RORA: variants seen among roughly 807,000 people sequenced by gnomAD.
RORA encodes nuclear receptor ROR-alpha.
A neutral mutation model predicts 69.5 loss-of-function variants in RORA; 7 were observed. The ratio of observed to expected loss-of-function variants is 0.10; its 90% confidence interval spans 0.06 to 0.19. RORA has a LOEUF of 0.19. Among genes scored for constraint, RORA ranks in the 10% least tolerant of loss-of-function variants. RORA has a pLI of 1.00. For missense variants in RORA, 457 were observed against 663.0 expected, an observed-to-expected ratio of 0.69 and a Z score of 3.41; for synonymous variants, 261 against 240.8, an observed-to-expected ratio of 1.08 and a Z score of -0.78.
chr15:60,618,213 C>G (rs1435390246), intron 2 of RORA, among the ~76,000 whole-genome samples: 1 of 152,202 alleles, frequency 6.6e-6, no homozygotes, highest in Non-Finnish European at 1.5e-5. Flanking sequence ...AAGAATCTGA[C>G]AGTAACACCA....
chr15:60,635,351 G>T (rs964069603), intron 2 of RORA, among the ~76,000 whole-genome samples: 1 of 152,110 alleles, frequency 6.6e-6, no homozygotes, highest in Admixed American at 6.5e-5. Context: ...AGATTTTTTT[G>T]ATGTGGAGAA....
chr15:60,517,125 C>T (rs374905458), intron 3 of RORA, among the ~76,000 whole-genome samples: 6 of 120,760 alleles, frequency 5.0e-5, no homozygotes, highest in Non-Finnish European at 9.8e-5. Context: ...TTTTTTTTTC[C>T]CCCCTACAAT....
At chr15:60,611,608 C>T (rs557459182) in intron 2 of RORA, among the ~76,000 whole-genome samples, 4 of 102,918 alleles carry the variant, frequency 3.9e-5, no homozygotes, top group South Asian at 3.5e-4. Context: ...CTTCTTTGCA[C>T]GAGGAGTCTA....
At chr15:60,834,727 G>C (rs1249057010) in intron 1 of RORA, among the ~76,000 whole-genome samples, 1 of 152,164 alleles carries the variant, frequency 6.6e-6, no homozygotes, top group Non-Finnish European at 1.5e-5. Flanking sequence ...CCCGATGAGG[G>C]GCTGCGCATT....
chr15:60,837,371 C>T (rs573668742), intron 1 of RORA, among the ~76,000 whole-genome samples: 4 of 152,288 alleles, frequency 2.6e-5, no homozygotes, highest in African/African-American at 9.6e-5. Flanking sequence ...TGAAGCTTGG[C>T]GAACACCAGC....
intron 2 of RORA, among the ~76,000 whole-genome samples, chr15:60,535,858 T>C (rs748257693): frequency 1.1e-4 from 16 of 152,224 alleles, no homozygotes; most frequent in Non-Finnish European, 2.2e-4. Flanking sequence ...CCCTATGCGG[T>C]AGGCATCACT....
At chr15:61,177,396 A>C (rs1370938038) in intron 1 of RORA, among the ~76,000 whole-genome samples, 1 of 152,124 alleles carries the variant, frequency 6.6e-6, no homozygotes, top group South Asian at 2.1e-4. Context: ...TGGTCTGCAC[A>C]CTCCAGATTT....
Position 60,564,816 on chromosome 15 carries a change from G to T in RORA, c.197-32965C>A, listed in dbSNP as rs76290487. On this transcript the variant is annotated intron_variant, in intron 2 of 10. Transcript: ENST00000335670. ...AAGACAATTATATGACAGCATAAAA[G>T]TATTGATATTTAAATATCTCAATAC... 1.9e-3 allele frequency among the ~76,000 whole-genome samples: 282 copies of T among 152,216 alleles called. 1 individual carries two copies. Among genetic ancestry groups the T allele is most frequent in the African/African-American group, 6.6e-3 (275 of 41,530 alleles).
intron 1 of RORA, among the ~76,000 whole-genome samples, chr15:61,017,777 A>G (rs977808617): frequency 1.3e-4 from 20 of 152,366 alleles, no homozygotes; most frequent in African/African-American, 4.1e-4. Flanking sequence ...GCCACAAAGC[A>G]TATTTTTGCA....
chr15:60,755,853 A>G (rs1034044730), intron 1 of RORA, among the ~76,000 whole-genome samples: 1 of 152,030 alleles, frequency 6.6e-6, no homozygotes, highest in Non-Finnish European at 1.5e-5. Context: ...AATCATGTCC[A>G]CTCCATTCCA....
chr15:60,912,495 C>T (rs937247852), intron 1 of RORA, among the ~76,000 whole-genome samples: 1 of 151,994 alleles, frequency 6.6e-6, no homozygotes, highest in Non-Finnish European at 1.5e-5. Flanking sequence ...TGGCTCACAC[C>T]TGCAATCCCA....
At chr15:60,514,562 G>A (rs1185281559) in intron 4 of RORA, 54 bp downstream of exon 4, 1 of 1,583,654 alleles carries the variant, frequency 6.3e-7, no homozygotes, top group African/African-American at 1.3e-5. Context: ...CCAGGTTTCA[G>A]AAGGCACTTT....
chr15:60,630,442 A>T (rs2069709854), intron 2 of RORA: 1 of 152,196 alleles, frequency 6.6e-6, no homozygotes, highest in Admixed American at 6.5e-5. Flanking sequence ...ATCCAACCTA[A>T]GTAACAGCTT....
At chr15:61,221,970 A>C (rs1419999785) in intron 1 of RORA, among the ~76,000 whole-genome samples, 4 of 152,076 alleles carry the variant, frequency 2.6e-5, no homozygotes, top group South Asian at 2.1e-4. Context: ...AAAAAAAAAA[A>C]AACTAAAAAA....
rs181359911 is a variant in RORA at position 61,178,870 on chromosome 15, G to A, written c.166+50183C>T. On this transcript the variant is annotated intron_variant, in intron 1 of 10. Coordinates refer to ENST00000335670, the MANE Select transcript of RORA (RefSeq NM_134261.3). ...ATAGCTAACCATATAGACTATACCCGCTTTTGAAAATATCTTCTGATGGGG... is the reference window on the plus strand; with the variant it reads ...ATAGCTAACCATATAGACTATACCCACTTTTGAAAATATCTTCTGATGGGG... Among the ~76,000 whole-genome samples the A allele has an allele frequency of 2.1e-3, 325 of 152,202 alleles. 1 individual carries two copies. Among genetic ancestry groups the A allele is most frequent in the Non-Finnish European group, 3.5e-3 (239 of 68,010 alleles).
chr15:60,750,782 T>A (rs532641937), intron 1 of RORA, among the ~76,000 whole-genome samples: 2 of 152,334 alleles, frequency 1.3e-5, no homozygotes, highest in South Asian at 4.1e-4. Context: ...AGGGAAGGTA[T>A]TCAGTATTCT....
chr15:60,720,523 C>T (rs2071280778), intron 1 of RORA, among the ~76,000 whole-genome samples: 1 of 152,176 alleles, frequency 6.6e-6, no homozygotes, highest in Non-Finnish European at 1.5e-5. Context: ...CACGCCCTTC[C>T]CTCTTGCCTC....
chr15:60,517,329 A>G (rs2065997836), intron 3 of RORA, among the ~76,000 whole-genome samples: 1 of 152,020 alleles, frequency 6.6e-6, no homozygotes, highest in Admixed American at 6.6e-5. Context: ...GGTGCTTGCT[A>G]ACCTTGACAT....
intron 1 of RORA, among the ~76,000 whole-genome samples, chr15:60,856,490 C>CG (rs1555458220): frequency 6.7e-6 from 1 of 148,680 alleles, no homozygotes; most frequent in Non-Finnish European, 1.5e-5. Context: ...AATCACTGAC[C>CG]TTTTTTTTTT....
Sources: gnomAD v4.1 joint callset for allele counts (sites outside exome capture counted in the v4.1 genomes callset) on GRCh38, gnomAD v4.1.1 for gene constraint, MANE v1.5 for transcripts, NCBI Gene and HGNC (gene_info 2026-07-23, HGNC 2026-07-21) for gene names.